The following ZNF704 variants were observed in gnomAD, a reference collection of about 807,000 sequenced individuals.
ZNF704 encodes the protein glucocorticoid induced gene 1.
Under a neutral mutation model 44.7 loss-of-function variants are expected in ZNF704, and 10 were observed. The observed-to-expected ratio is 0.22, with a 90% CI of 0.14 to 0.38. The LOEUF (loss-of-function observed/expected upper bound fraction) is 0.38, where lower values mean the gene tolerates loss of function less well. ZNF704 is among the 10% of genes least tolerant of loss of function. The probability of loss-of-function intolerance (pLI) is 1.00; values close to 1 mark genes in which losing one functional copy is unlikely to be tolerated. For synonymous variants in ZNF704, 211 were observed against 207.6 expected (o/e 1.02, Z -0.14); for missense variants, 390 against 545.5 (o/e 0.71, Z 2.84).
At position 80,637,350 on chromosome 8, in the gene ZNF704, C is replaced by T. The variant is rs922403715; in HGVS notation, c.*4016G>A. The T allele has an allele frequency of 6.6e-6, 1 of 152,152 alleles. No individual in the cohort carries two copies. Among genetic ancestry groups the T allele is most frequent in the Non-Finnish European group, 1.5e-5 (1 of 68,032 alleles). The allele number at this position is 152,152 out of a possible 1,614,324, so 9.4% of individuals were successfully genotyped here. On this transcript the variant is annotated 3_prime_UTR_variant, in exon 9 of 9. Coordinates refer to ENST00000327835, the MANE Select transcript of ZNF704 (RefSeq NM_001033723.3). Reference sequence around the variant, plus strand: ...GAATATTATTTACAGTATTTTGCTACTATTCTCAAGGTATTCTCTGTTATA... The same window carrying T: ...GAATATTATTTACAGTATTTTGCTATTATTCTCAAGGTATTCTCTGTTATA...
chr8:80,844,543 A>T (rs1808736213), intron 1 of ZNF704, among the ~76,000 whole-genome samples: 1 of 152,118 alleles, frequency 6.6e-6, no homozygotes, highest in South Asian at 2.1e-4. Flanking sequence ...GGACACAAAC[A>T]TTCCGTCTAT....
At chr8:80,726,590 C>A (rs942841385) in intron 2 of ZNF704, among the ~76,000 whole-genome samples, 2 of 151,574 alleles carry the variant, frequency 1.3e-5, no homozygotes, top group Non-Finnish European at 2.9e-5. Context: ...AAATACTCCA[C>A]CTTGAAAAAA....
At position 80,635,940 on chromosome 8, in the gene ZNF704, T is replaced by A. The variant is rs1350640416; in HGVS notation, c.*5426A>T. ...CCTTTGTTTGGTGAGCAAGAATTAC[T>A]TATAATATTAATACTTCCTGCCTGG... On this transcript the variant is annotated 3_prime_UTR_variant, in exon 9 of 9. Transcript: ENST00000327835. 6.6e-6 allele frequency: 1 copy of A among 152,216 alleles called. No homozygotes were observed. Among genetic ancestry groups the A allele is most frequent in the Non-Finnish European group, 1.5e-5 (1 of 68,042 alleles). 9.4% of individuals were successfully genotyped at this position (152,216 alleles called of 1,614,324 possible).
intron 2 of ZNF704, among the ~76,000 whole-genome samples, chr8:80,813,352 T>C (rs1279729985): frequency 6.6e-6 from 1 of 152,214 alleles, no homozygotes; most frequent in Non-Finnish European, 1.5e-5. Flanking sequence ...TGATCAGAAT[T>C]CTAAATTCAC....
chr8:80,736,063 C>A (rs180964462), intron 2 of ZNF704, among the ~76,000 whole-genome samples: 1 of 152,260 alleles, frequency 6.6e-6, no homozygotes, highest in Admixed American at 6.5e-5. Context: ...GTGGTTTCTG[C>A]CTGTCAAGTG....
chr8:80,786,773 A>G (rs1224755361), intron 2 of ZNF704, among the ~76,000 whole-genome samples: 1 of 152,164 alleles, frequency 6.6e-6, no homozygotes, highest in African/African-American at 2.4e-5. Context: ...TCTGGGTCAG[A>G]GACTGGACTC....
At chr8:80,794,311 T>C (rs950613743) in intron 2 of ZNF704, among the ~76,000 whole-genome samples, 2 of 152,204 alleles carry the variant, frequency 1.3e-5, no homozygotes, top group Non-Finnish European at 2.9e-5. Context: ...TTCAATTTTG[T>C]TGGCTTTATA....
intron 1 of ZNF704, among the ~76,000 whole-genome samples, chr8:80,868,763 C>A (rs1273947078): frequency 6.6e-6 from 1 of 152,002 alleles, no homozygotes; most frequent in East Asian, 1.9e-4. Context: ...TTTGGCTTAC[C>A]CTTTGTTTTC....
chr8:80,643,896 T>C (rs1354611531), intron 7 of ZNF704, among the ~76,000 whole-genome samples: 4 of 152,112 alleles, frequency 2.6e-5, no homozygotes, highest in Non-Finnish European at 4.4e-5. Flanking sequence ...AATGACACAG[T>C]GCAGGTCTAG....
intron 2 of ZNF704, among the ~76,000 whole-genome samples, chr8:80,751,898 G>A (rs750448748): frequency 7.9e-5 from 12 of 152,100 alleles, no homozygotes; most frequent in Admixed American, 6.6e-5. Context: ...CCACCACCAC[G>A]CCCAGCTAAT....
chr8:80,783,107 A>G (rs962774604), intron 2 of ZNF704, among the ~76,000 whole-genome samples: 1 of 152,046 alleles, frequency 6.6e-6, no homozygotes, highest in African/African-American at 2.4e-5. Context: ...ACTCCTGGAA[A>G]CCAGATAACC....
chr8:80,643,274 C>CT (rs1180506437), intron 7 of ZNF704, 145 bp from the exon 8 acceptor site: 1 of 471,588 alleles, frequency 2.1e-6, no homozygotes, highest in African/African-American at 2.0e-5. Flanking sequence ...AATCTCAGAA[C>CT]TTTGGGAGGC....
At chr8:80,838,697 A>T (rs1808624491) in intron 1 of ZNF704, among the ~76,000 whole-genome samples, 1 of 148,954 alleles carries the variant, frequency 6.7e-6, no homozygotes. Context: ...GGAGGGGAGC[A>T]GACACTGGAG....
chr8:80,763,347 T>C (rs1337643530), intron 2 of ZNF704, among the ~76,000 whole-genome samples: 1 of 152,214 alleles, frequency 6.6e-6, no homozygotes, highest in Non-Finnish European at 1.5e-5. Flanking sequence ...TTTTCATACA[T>C]TCTCTGAAAT....
intron 2 of ZNF704, among the ~76,000 whole-genome samples, chr8:80,737,682 T>A (rs968742750): frequency 1.3e-5 from 2 of 152,210 alleles, no homozygotes; most frequent in Non-Finnish European, 2.9e-5. Flanking sequence ...ATAAATTTTT[T>A]AAAAATTTTG....
At chr8:80,668,893 T>C (rs901744025) in intron 5 of ZNF704, among the ~76,000 whole-genome samples, 2 of 152,166 alleles carry the variant, frequency 1.3e-5, no homozygotes, top group Admixed American at 6.5e-5. Flanking sequence ...GCCCCGGGCT[T>C]CATAAGCATA....
intron 2 of ZNF704, among the ~76,000 whole-genome samples, chr8:80,760,235 T>C (rs1010256228): frequency 6.6e-6 from 1 of 152,188 alleles, no homozygotes; most frequent in African/African-American, 2.4e-5. Context: ...TGGTACTATG[T>C]TTTGAATGTA....
At chr8:80,743,783 T>C (rs1026858661) in intron 2 of ZNF704, among the ~76,000 whole-genome samples, 3 of 152,186 alleles carry the variant, frequency 2.0e-5, no homozygotes, top group Admixed American at 6.5e-5. Flanking sequence ...ATGTGTAACA[T>C]AGAGATAGAG....
Position 80,687,333 on chromosome 8 carries a change from C to T in ZNF704, c.451G>A (p.Ala151Thr). 6.2e-7 allele frequency: 1 copy of T among 1,611,410 alleles called. No homozygotes were observed. Among genetic ancestry groups the T allele is most frequent in the Non-Finnish European group, 8.5e-7 (1 of 1,179,758 alleles). ...NPSTPSPPLS[A>T]DSFKPFRSPA... is the part of the protein sequence containing the mutation. The stretch of plus-strand genomic sequence containing the variant: ...CTGCGGAAGGGCTTGAAGCTGTCAG[C>T]CGAGAGCGGCGGCGACGGCGTGGAC... Residue 151 changes from alanine (A) to threonine (T), a missense_variant, in exon 4 of 9, where the codon GCT (alanine) becomes ACT (threonine). By Grantham distance (58) the Ala-to-Thr change is moderately conservative (BLOSUM62 0). Coordinates refer to ENST00000327835, the MANE Select transcript of ZNF704 (RefSeq NM_001033723.3).
Sources: gnomAD v4.1 joint callset for allele counts (sites outside exome capture counted in the v4.1 genomes callset) on GRCh38, gnomAD v4.1.1 for gene constraint, MANE v1.5 for transcripts, NCBI Gene and HGNC (gene_info 2026-07-23, HGNC 2026-07-21) for gene names.